The following SLC41A3 variants were observed in gnomAD, a reference collection of about 807,000 sequenced individuals.
SLC41A3 encodes SLC41A1-like 2.
Under a neutral mutation model 45.4 loss-of-function variants are expected in SLC41A3, and 44 were observed. The observed-to-expected ratio is 0.97, with a 90% CI of 0.76 to 1.25. SLC41A3 has a LOEUF of 1.25. Among genes scored for constraint, SLC41A3 ranks in the 50% most tolerant of loss-of-function variants. The pLI, the probability that SLC41A3 is intolerant of heterozygous loss-of-function variation, is 0.00. For missense variants in SLC41A3, 550 were observed against 600.6 expected (o/e 0.92, Z 0.88); for synonymous variants, 256 against 252.4 (o/e 1.01, Z -0.13).
chr3:126,038,751 T>C (rs1470417815), intron 3 of SLC41A3, among the ~76,000 whole-genome samples: 1 of 152,154 alleles, frequency 6.6e-6, no homozygotes, highest in Non-Finnish European at 1.5e-5. Flanking sequence ...AAGGGATGAT[T>C]GTATTTTGTA....
intron 3 of SLC41A3, among the ~76,000 whole-genome samples, chr3:126,049,216 G>A (rs1943167500): frequency 6.6e-6 from 1 of 152,242 alleles, no homozygotes; most frequent in South Asian, 2.1e-4. Context: ...GCTGGGCACG[G>A]TGGCTCATGC....
chr3:126,032,095 C>G (rs1941837829), intron 4 of SLC41A3, among the ~76,000 whole-genome samples: 1 of 152,176 alleles, frequency 6.6e-6, no homozygotes, highest in Admixed American at 6.5e-5. Flanking sequence ...AAAGGACCTT[C>G]CCAGGAGAGG....
intron 1 of SLC41A3, among the ~76,000 whole-genome samples, chr3:126,072,130 A>G (rs1944648961): frequency 6.6e-6 from 1 of 152,172 alleles, no homozygotes; most frequent in African/African-American, 2.4e-5. Flanking sequence ...TAAATTAGAA[A>G]TTTCTTTGAG....
intron 2 of SLC41A3, among the ~76,000 whole-genome samples, chr3:126,053,814 C>A (rs1026058560): frequency 1.3e-5 from 2 of 152,052 alleles, no homozygotes; most frequent in African/African-American, 4.8e-5. Context: ...CCTCAAACTC[C>A]AAATCTCCAA....
At chr3:126,057,010 T>A (rs1310024431) in intron 2 of SLC41A3, 11 of 1,024,022 alleles carry the variant, frequency 1.1e-5, no homozygotes, top group African/African-American at 1.7e-5. Context: ...CACACGGAGG[T>A]CTGCTGCCAC....
In SLC41A3 at chr3:126,051,003, C is replaced by T. The variant is rs377156272; in HGVS notation, c.321G>A (p.Pro107=). 21 of 1,612,274 alleles carry T rather than the reference C, an allele frequency of 1.3e-5. No individual in the cohort carries two copies. In the African/African-American group the frequency reaches 1.9e-4, roughly 14 times the overall value. Reference sequence around the variant, plus strand: ...GGTTCCCCTTCAGGCCCACCAGGGGCGGCACCAATGTCAAAAGGTCTTTCA... The same window carrying T: ...GGTTCCCCTTCAGGCCCACCAGGGGTGGCACCAATGTCAAAAGGTCTTTCA... ...VEVKDLLTLV[P]PLVGLKGNLE... is the part of the protein sequence containing the mutation. The change falls in exon 3 of 11, where the codon CCG becomes CCA. Residue 107 remains proline, a synonymous_variant. Coordinates refer to ENST00000360370, the MANE Select transcript of SLC41A3 (RefSeq NM_017836.4).
intron 3 of SLC41A3, among the ~76,000 whole-genome samples, chr3:126,046,391 A>G (rs1942963523): frequency 6.6e-6 from 1 of 151,920 alleles, no homozygotes; most frequent in Non-Finnish European, 1.5e-5. Context: ...AAATTTTTAT[A>G]ATAAATGAAT....
chr3:126,027,142 T>C (rs1012512005), intron 4 of SLC41A3, among the ~76,000 whole-genome samples: 4 of 152,186 alleles, frequency 2.6e-5, no homozygotes, highest in African/African-American at 7.2e-5. Context: ...TTTGGCTCTG[T>C]AGCCCCACCA....
chr3:126,063,002 C>T (rs550964660), intron 2 of SLC41A3, among the ~76,000 whole-genome samples: 2 of 152,162 alleles, frequency 1.3e-5, no homozygotes, highest in Non-Finnish European at 1.5e-5. Flanking sequence ...CTAGGGGCTG[C>T]GGATCCAGGG....
chr3:126,052,159 T>A (rs1943376262), intron 2 of SLC41A3, among the ~76,000 whole-genome samples: 1 of 152,184 alleles, frequency 6.6e-6, no homozygotes, highest in Non-Finnish European at 1.5e-5. Flanking sequence ...GTTTGCCCTC[T>A]CTTAAAACTT....
chr3:126,054,792 C>T (rs535961068), intron 2 of SLC41A3, among the ~76,000 whole-genome samples: 16 of 152,174 alleles, frequency 1.1e-4, no homozygotes, highest in African/African-American at 1.4e-4. Flanking sequence ...CCCTCCGGAA[C>T]GCCTAATAGT....
upstream of SLC41A3, among the ~76,000 whole-genome samples, chr3:126,088,216 C>G (rs1182797049): frequency 6.6e-6 from 1 of 152,008 alleles, no homozygotes; most frequent in East Asian, 1.9e-4. Context: ...ATATCTTTAT[C>G]TGTGTCATGT....
chr3:126,033,722 A>C, intron 3 of SLC41A3, 44 bp from the exon 4 acceptor site: 1 of 1,589,206 alleles, frequency 6.3e-7, no homozygotes, highest in Non-Finnish European at 8.6e-7. Context: ...GGCTAGGCCC[A>C]AAGCCAGGTC....
chr3:126,022,204 A>T (rs1229394869), intron 6 of SLC41A3, among the ~76,000 whole-genome samples: 1 of 152,218 alleles, frequency 6.6e-6, no homozygotes, highest in Non-Finnish European at 1.5e-5. Context: ...AATTGCCACA[A>T]AGTTGCCATT....
At chr3:126,094,134 C>T (rs1208749187) in intron 1 of SLC41A3, among the ~76,000 whole-genome samples, 1 of 152,100 alleles carries the variant, frequency 6.6e-6, no homozygotes, top group Admixed American at 6.5e-5. Flanking sequence ...GTTCTAATTC[C>T]AGAACAATTA....
chr3:126,033,685 T>A lies in SLC41A3; in HGVS notation c.382-7A>T, dbSNP rs1200065988. ...CAATTTGTCCAGTGTTGGCCTAGAA[T>A]GAAGAGAAAAGGACAAAGGTAGGAC... On this transcript the variant is annotated splice_region_variant and splice_polypyrimidine_tract_variant and intron_variant, in intron 3 of 10. Transcript: ENST00000360370. 4 of 1,611,654 alleles carry A rather than the reference T, an allele frequency of 2.5e-6. No homozygotes were observed. The Admixed American group carries it at 6.7e-5, about 27-fold the overall frequency.
Position 126,006,425 on chromosome 3 carries a change from T to C in SLC41A3, c.*591A>G. 6.2e-7 allele frequency: 1 copy of C among 1,611,726 alleles called. No homozygotes were observed. Among genetic ancestry groups the C allele is most frequent in the Non-Finnish European group, 8.5e-7 (1 of 1,179,462 alleles). Reference sequence around the variant, plus strand: ...TTGAAATCTAAATAGAGGTTTTTGCTAACAAACAAAAAGGAAAATAAAAAG... The same window carrying C: ...TTGAAATCTAAATAGAGGTTTTTGCCAACAAACAAAAAGGAAAATAAAAAG... On this transcript the variant is annotated 3_prime_UTR_variant, in exon 11 of 11. Transcript: ENST00000360370.
In SLC41A3 at chr3:126,081,305, G is replaced by A. The variant is rs565623852; in HGVS notation, c.-28+2788C>T. Reference sequence around the variant, plus strand: ...GCCTCACTCATATGTGAGCGCTGAAGGAGGGGATCTCAAGGAGGTAGAAAG... The same window carrying A: ...GCCTCACTCATATGTGAGCGCTGAAAGAGGGGATCTCAAGGAGGTAGAAAG... On this transcript the variant is annotated intron_variant, in intron 1 of 10. Coordinates refer to ENST00000360370, the MANE Select transcript of SLC41A3 (RefSeq NM_017836.4). Among the ~76,000 whole-genome samples the A allele has an allele frequency of 1.2e-4, 19 of 152,350 alleles. No homozygotes were observed. The East Asian group carries it at 3.7e-3, about 29-fold the overall frequency.
chr3:126,098,393 C>T (rs1483154932), intron 1 of SLC41A3, among the ~76,000 whole-genome samples: 1 of 152,222 alleles, frequency 6.6e-6, no homozygotes, highest in Non-Finnish European at 1.5e-5. Context: ...TAACCTCAGA[C>T]TTCCAGCCTC....
Sources: allele counts gnomAD v4.1 joint callset (sites outside exome capture counted in the v4.1 genomes callset), GRCh38; gene constraint gnomAD v4.1.1; transcripts MANE v1.5; gene names NCBI Gene and HGNC (gene_info 2026-07-23, HGNC 2026-07-21).